Variants in ZP3 observed in about 807,000 individuals in gnomAD.
The protein encoded by ZP3 is zona pellucida glycoprotein 3.
A neutral mutation model predicts 35.6 loss-of-function variants in ZP3; 21 were observed. The observed-to-expected ratio is 0.59, with a 90% CI of 0.42 to 0.85. ZP3 has a LOEUF of 0.85. ZP3 is among the 40% of genes least tolerant of loss of function. ZP3 has a pLI of 0.00. For missense variants in ZP3, 437 were observed against 536.5 expected, an observed-to-expected ratio of 0.81 and a Z score of 1.83; for synonymous variants, 207 against 214.5, an observed-to-expected ratio of 0.96 and a Z score of 0.31.
intron 1 of ZP3, chr7:76,397,938 G>C: frequency 8.8e-7 from 1 of 1,138,398 alleles, no homozygotes; most frequent in Non-Finnish European, 1.2e-6. Context: ...TTGGGCATCT[G>C]CTCACCCCGC....
At chr7:76,421,989 T>C (rs7792304), upstream of ZP3, among the ~76,000 whole-genome samples, 52,113 of 151,578 alleles carry the variant, frequency 0.34, 9,960 homozygotes, top group African/African-American at 0.52. Flanking sequence ...CTCCACCTCC[T>C]GGGTTCAAGC....
At chr7:76,423,592 G>A (rs145991133), upstream of ZP3, among the ~76,000 whole-genome samples, 33 of 152,216 alleles carry the variant, frequency 2.2e-4, no homozygotes, top group Middle Eastern at 3.4e-3. Context: ...TGAAATCGTG[G>A]TATGGGTCTG....
At chr7:76,400,980 G>A (rs1038959371) in intron 1 of ZP3, 11 of 1,551,060 alleles carry the variant, frequency 7.1e-6, no homozygotes, top group African/African-American at 5.5e-5. Context: ...ACAGGTGAGG[G>A]TGAGGAAGGG....
chr7:76,426,859 C>A (rs908796919), intron 1 of ZP3, among the ~76,000 whole-genome samples: 2 of 139,620 alleles, frequency 1.4e-5, no homozygotes, highest in East Asian at 4.6e-4. Flanking sequence ...ATGAGACCCC[C>A]TTCTCTACCA....
At chr7:76,412,962 C>CTTTTT (rs201143080) in intron 1 of ZP3, among the ~76,000 whole-genome samples, 13,056 of 112,060 alleles carry the variant, frequency 0.12, 1,383 homozygotes, top group Non-Finnish European at 0.17. Context: ...TCTTCTTCTT[C>CTTTTT]TTCTTTTTTT....
intron 1 of ZP3, among the ~76,000 whole-genome samples, chr7:76,407,934 C>T (rs2115822445): frequency 6.6e-6 from 1 of 152,100 alleles, no homozygotes; most frequent in South Asian, 2.1e-4. Flanking sequence ...TGCAGTTGTC[C>T]AGACTCTAGG....
intron 1 of ZP3, among the ~76,000 whole-genome samples, chr7:76,399,703 T>C (rs1236113310): frequency 2.0e-5 from 3 of 152,028 alleles, no homozygotes; most frequent in African/African-American, 7.2e-5. Flanking sequence ...ATTTTTCTGA[T>C]TTTTCGTAGA....
At chr7:76,400,935 T>TGTG (rs1804803776) in intron 1 of ZP3, 1 of 1,542,486 alleles carries the variant, frequency 6.5e-7, no homozygotes, top group African/African-American at 1.4e-5. Flanking sequence ...CATCACTTCC[T>TGTG]GTGGTTCCCT....
At chr7:76,401,745 G>A (rs1232370163) in intron 1 of ZP3, among the ~76,000 whole-genome samples, 4 of 152,122 alleles carry the variant, frequency 2.6e-5, no homozygotes, top group Non-Finnish European at 4.4e-5. Flanking sequence ...CCAGCTTGGA[G>A]CCCCTTCCTC....
intron 1 of ZP3, among the ~76,000 whole-genome samples, chr7:76,428,107 C>T (rs576133957): frequency 6.6e-6 from 1 of 151,422 alleles, no homozygotes; most frequent in Non-Finnish European, 1.5e-5. Flanking sequence ...AGGTGGATCA[C>T]CTGAGGCCAG....
intron 1 of ZP3, among the ~76,000 whole-genome samples, chr7:76,413,342 C>T (rs1805293413): frequency 6.6e-6 from 1 of 151,526 alleles, no homozygotes; most frequent in South Asian, 2.1e-4. Context: ...GCAGCCTCAA[C>T]CTCTTGGGCT....
intron 2 of ZP3, among the ~76,000 whole-genome samples, chr7:76,430,675 C>A (rs1805801570): frequency 6.6e-6 from 1 of 152,160 alleles, no homozygotes; most frequent in African/African-American, 2.4e-5. Flanking sequence ...GCAGAGGTTG[C>A]AGTGAGCTGA....
At chr7:76,440,049 G>T (rs1300929579) in intron 5 of ZP3, 27 of 700,498 alleles carry the variant, frequency 3.9e-5, no homozygotes, top group Non-Finnish European at 6.2e-5. Flanking sequence ...GTTTCACCAT[G>T]TTGGCCAGGT....
At chr7:76,419,699 C>CCCTT (rs144535670) in intron 1 of ZP3, among the ~76,000 whole-genome samples, 89,004 of 144,586 alleles carry the variant, frequency 0.62, 28,172 homozygotes, top group African/African-American at 0.75. Flanking sequence ...CTCTCTCTCT[C>CCCTT]CCTTCCTTCC....
intron 1 of ZP3, among the ~76,000 whole-genome samples, chr7:76,401,407 G>A (rs1234939029): frequency 2.0e-5 from 3 of 147,390 alleles, no homozygotes; most frequent in South Asian, 2.2e-4. Flanking sequence ...GACCAGCCTC[G>A]CCTTTTTTCT....
intron 1 of ZP3, among the ~76,000 whole-genome samples, chr7:76,405,820 A>G (rs981222563): frequency 1.3e-5 from 2 of 152,192 alleles, no homozygotes; most frequent in South Asian, 4.1e-4. Flanking sequence ...GGCCCAAACC[A>G]TGACCAGCCC....
chr7:76,398,850 C>T (rs111380832), intron 1 of ZP3: 3 of 1,587,924 alleles, frequency 1.9e-6, no homozygotes, highest in Non-Finnish European at 2.6e-6. Context: ...CATCCTCACA[C>T]CACGGGGTGT....
At chr7:76,423,927 A>G (rs1448617247), upstream of ZP3, among the ~76,000 whole-genome samples, 1 of 151,508 alleles carries the variant, frequency 6.6e-6, no homozygotes, top group Non-Finnish European at 1.5e-5. Context: ...GTGTCTCAGT[A>G]TGAACTCCGG....
intron 1 of ZP3, among the ~76,000 whole-genome samples, chr7:76,413,940 T>A (rs548257577): frequency 6.6e-6 from 1 of 152,004 alleles, no homozygotes; most frequent in African/African-American, 2.4e-5. Context: ...GTGCTGGGAT[T>A]ATAGGCATGA....
Sources: gnomAD v4.1 joint callset for allele counts (sites outside exome capture counted in the v4.1 genomes callset) on GRCh38, gnomAD v4.1.1 for gene constraint, MANE v1.5 for transcripts, NCBI Gene and HGNC (gene_info 2026-07-23, HGNC 2026-07-21) for gene names.